The following CNTN4 variants were observed in gnomAD, a reference collection of about 807,000 sequenced individuals.
The protein encoded by CNTN4 is contactin-4.
CNTN4 carries 77 observed loss-of-function variants against 122.5 expected under a neutral mutation model. The ratio of observed to expected loss-of-function variants is 0.63; its 90% CI spans 0.52 to 0.76. CNTN4 has a LOEUF of 0.76. Ranked by LOEUF, CNTN4 falls within the 30% of genes least tolerant of loss-of-function variation. The pLI, the probability that CNTN4 is intolerant of heterozygous loss-of-function variation, is 0.00. For synonymous variants in CNTN4, 512 were observed against 447.0 expected (o/e 1.15, Z -1.83); for missense variants, 1,256 against 1,259.1 (o/e 1.00, Z 0.04).
chr3:2,992,690 A>G (rs973594), intron 14 of CNTN4, among the ~76,000 whole-genome samples: 77,837 of 151,978 alleles, frequency 0.51, 20,549 homozygotes, highest in African/African-American at 0.64. Flanking sequence ...CCTCACTCCT[A>G]TTGATTATCT....
intron 2 of CNTN4, among the ~76,000 whole-genome samples, chr3:2,210,598 G>T (rs549636093): frequency 6.6e-6 from 1 of 152,106 alleles, no homozygotes; most frequent in East Asian, 1.9e-4. Context: ...TTAGCCTTGG[G>T]TTCCTAAAAA....
intron 2 of CNTN4, among the ~76,000 whole-genome samples, chr3:2,214,387 C>G (rs770017891): frequency 1.6e-4 from 24 of 152,080 alleles, no homozygotes; most frequent in Non-Finnish European, 1.8e-4. Flanking sequence ...TGGTAGTCAT[C>G]CATGATCAGA....
intron 4 of CNTN4, among the ~76,000 whole-genome samples, chr3:2,687,124 T>C (rs533775021): frequency 6.6e-6 from 1 of 152,088 alleles, no homozygotes; most frequent in East Asian, 1.9e-4. Flanking sequence ...CCACACAGAG[T>C]TTCAATCATT....
intron 13 of CNTN4, among the ~76,000 whole-genome samples, chr3:2,960,802 A>T (rs2094845028): frequency 6.6e-6 from 1 of 152,158 alleles, no homozygotes; most frequent in South Asian, 2.1e-4. Flanking sequence ...TTCACTCTTG[A>T]CTTGGCCAGA....
At chr3:2,858,249 G>A (rs187039248) in intron 7 of CNTN4, among the ~76,000 whole-genome samples, 2 of 152,290 alleles carry the variant, frequency 1.3e-5, no homozygotes, top group East Asian at 3.9e-4. Flanking sequence ...GTCCCTCCCT[G>A]TTCCACCTCC....
chr3:2,105,712 A>T (rs2032385175), intron 2 of CNTN4, among the ~76,000 whole-genome samples: 1 of 152,142 alleles, frequency 6.6e-6, no homozygotes. Context: ...ACAGAGCCAA[A>T]CCATATCATT....
intron 2 of CNTN4, among the ~76,000 whole-genome samples, chr3:2,299,264 C>T (rs564449991): frequency 6.6e-6 from 1 of 152,220 alleles, no homozygotes; most frequent in African/African-American, 2.4e-5. Context: ...TGAAGAGTTG[C>T]AACATTTGGG....
intron 3 of CNTN4, among the ~76,000 whole-genome samples, chr3:2,539,764 A>G (rs2077957124): frequency 6.6e-6 from 1 of 152,166 alleles, no homozygotes; most frequent in Admixed American, 6.6e-5. Flanking sequence ...CTGAACATCT[A>G]CGTACTTCAA....
chr3:2,770,079 G>T (rs754135815), intron 6 of CNTN4, among the ~76,000 whole-genome samples: 13 of 151,420 alleles, frequency 8.6e-5, no homozygotes, highest in Non-Finnish European at 1.8e-4. Flanking sequence ...GCCCAAGCTG[G>T]AGTGCAATGG....
intron 13 of CNTN4, among the ~76,000 whole-genome samples, chr3:2,984,985 G>C (rs1192658032): frequency 6.6e-6 from 1 of 152,140 alleles, no homozygotes; most frequent in African/African-American, 2.4e-5. Context: ...CTCTGTTTTT[G>C]TCAGTGCATC....
chr3:2,147,755 C>T (rs950420378), intron 2 of CNTN4, among the ~76,000 whole-genome samples: 2 of 152,148 alleles, frequency 1.3e-5, no homozygotes, highest in Non-Finnish European at 2.9e-5. Context: ...TGGAGATGTG[C>T]TTCCTTTCAG....
intron 3 of CNTN4, among the ~76,000 whole-genome samples, chr3:2,419,741 A>G (rs1056616158): frequency 1.3e-5 from 2 of 152,206 alleles, no homozygotes; most frequent in Non-Finnish European, 2.9e-5. Context: ...AGAAAACCAA[A>G]TGCCTTCTTG....
chr3:2,491,676 T>C (rs1032510886), intron 3 of CNTN4, among the ~76,000 whole-genome samples: 8 of 152,208 alleles, frequency 5.3e-5, no homozygotes, highest in Non-Finnish European at 5.9e-5. Flanking sequence ...TATTTTCGTG[T>C]GTAGTTCAAA....
At chr3:2,804,841 G>T (rs1372653360) in intron 6 of CNTN4, among the ~76,000 whole-genome samples, 2 of 151,812 alleles carry the variant, frequency 1.3e-5, no homozygotes, top group Non-Finnish European at 2.9e-5. Flanking sequence ...GGAATTATAG[G>T]CACACAACAC....
intron 3 of CNTN4, among the ~76,000 whole-genome samples, chr3:2,352,301 G>T (rs1277400531): frequency 1.3e-5 from 2 of 152,196 alleles, no homozygotes; most frequent in Admixed American, 6.5e-5. Flanking sequence ...CCGCACTTGA[G>T]GAACACTTCA....
chr3:2,887,117 GA>G lies in CNTN4; in HGVS notation c.835del (p.Ile279PhefsTer18). The G allele has an allele frequency of 6.2e-7, 1 of 1,614,098 alleles. No individual in the cohort carries two copies. Among genetic ancestry groups the G allele is most frequent in the Non-Finnish European group, 8.5e-7 (1 of 1,180,012 alleles). On this transcript the variant is annotated frameshift_variant, in exon 10 of 25. Transcript: ENST00000418658. LOFTEE classifies it high-confidence loss of function. ...AAAGCCAGAAGACACAAGTCAAATG[GA>G]ATTCTTGAGATCCCTAATTTTCAGC... ...ARKARRHKSN[G>X]ILEIPNFQQE...
intron 3 of CNTN4, among the ~76,000 whole-genome samples, chr3:2,511,862 A>G (rs1441256272): frequency 6.6e-6 from 1 of 152,092 alleles, no homozygotes; most frequent in Non-Finnish European, 1.5e-5. Flanking sequence ...CTCTTATATA[A>G]TTGATTCATA....
chr3:2,381,775 C>T (rs2046032222), intron 3 of CNTN4, among the ~76,000 whole-genome samples: 1 of 151,964 alleles, frequency 6.6e-6, no homozygotes, highest in African/African-American at 2.4e-5. Context: ...TTATGTATTT[C>T]TTATAAAATA....
At chr3:2,918,231 T>C (rs544359673) in intron 12 of CNTN4, among the ~76,000 whole-genome samples, 1 of 152,346 alleles carries the variant, frequency 6.6e-6, no homozygotes, top group Admixed American at 6.5e-5. Context: ...ATGTCTAGAA[T>C]AGAGCCTGTA....
Sources: gnomAD v4.1 joint callset for allele counts (sites outside exome capture counted in the v4.1 genomes callset) on GRCh38, gnomAD v4.1.1 for gene constraint, MANE v1.5 for transcripts, NCBI Gene and HGNC (gene_info 2026-07-23, HGNC 2026-07-21) for gene names.